CALD1: variants seen among roughly 807,000 people sequenced by gnomAD.
CALD1 encodes caldesmon 1, also known as caldesmon.
Under a neutral mutation model 99.9 loss-of-function variants are expected in CALD1, and 33 were observed. The observed-to-expected ratio is 0.33, with a 90% CI of 0.25 to 0.44. CALD1 has a LOEUF of 0.44. Among genes scored for constraint, CALD1 ranks in the 20% least tolerant of loss-of-function variants. CALD1 has a pLI of 1.00. For synonymous variants in CALD1, 310 were observed against 325.0 expected, an observed-to-expected ratio of 0.95 and a Z score of 0.50; for missense variants, 861 against 962.1, an observed-to-expected ratio of 0.89 and a Z score of 1.39.
intron 1 of CALD1, among the ~76,000 whole-genome samples, chr7:134,748,884 A>G (rs2100361): frequency 0.58 from 87,573 of 151,734 alleles, 26,204 homozygotes; most frequent in East Asian, 0.84. Flanking sequence ...AGGTCATCAG[A>G]GCAGTCCTCA....
chr7:134,949,690 G>A (rs1163467260), intron 8 of CALD1, among the ~76,000 whole-genome samples: 1 of 152,098 alleles, frequency 6.6e-6, no homozygotes, highest in Non-Finnish European at 1.5e-5. Flanking sequence ...TAGGTAGAAG[G>A]AATATTCATA....
chr7:134,888,253 AAG>A (rs1371992206), intron 3 of CALD1, among the ~76,000 whole-genome samples: 1 of 152,150 alleles, frequency 6.6e-6, no homozygotes, highest in Non-Finnish European at 1.5e-5. Context: ...TTTTCCTAGT[AAG>A]AGTCCTGAAG....
chr7:134,774,495 AAAG>A (rs1208770986), intron 1 of CALD1, among the ~76,000 whole-genome samples: 1 of 152,194 alleles, frequency 6.6e-6, no homozygotes, highest in East Asian at 1.9e-4. Context: ...CCAGCACTTC[AAAG>A]AAGAATCAGA....
intron 1 of CALD1, among the ~76,000 whole-genome samples, chr7:134,749,945 G>A (rs569841759): frequency 1.3e-5 from 2 of 152,200 alleles, no homozygotes; most frequent in African/African-American, 4.8e-5. Context: ...GTAAACAGGC[G>A]CCTTCTATAA....
At chr7:134,720,994 G>A in the CALD1 span, among the ~76,000 whole-genome samples, 1 of 152,186 alleles carries the variant, frequency 6.6e-6, no homozygotes, top group Non-Finnish European at 1.5e-5. Context: ...CTGGTGATTT[G>A]GTGTTTGCCA....
intron 1 of CALD1, among the ~76,000 whole-genome samples, chr7:134,758,828 G>A (rs1796752395): frequency 6.6e-6 from 1 of 152,114 alleles, no homozygotes; most frequent in South Asian, 2.1e-4. Context: ...AACATACACT[G>A]AGAATAGCTC....
intron 1 of CALD1, among the ~76,000 whole-genome samples, chr7:134,753,340 C>A (rs1796701491): frequency 6.6e-6 from 1 of 152,100 alleles, no homozygotes; most frequent in Non-Finnish European, 1.5e-5. Context: ...TAAAAAAAAT[C>A]AGATGAAATT....
intron 1 of CALD1, among the ~76,000 whole-genome samples, chr7:134,764,275 TG>T (rs1371390838): frequency 1.3e-5 from 2 of 152,212 alleles, no homozygotes; most frequent in Non-Finnish European, 2.9e-5. Flanking sequence ...GATTTGGTTC[TG>T]GGTTTGTGTA....
At chr7:134,903,028 G>C (rs191248031) in intron 3 of CALD1, among the ~76,000 whole-genome samples, 324 of 152,206 alleles carry the variant, frequency 2.1e-3, no homozygotes, top group Non-Finnish European at 3.7e-3. Flanking sequence ...TGCAGGAAAC[G>C]TAAGTGCATA....
chr7:134,771,043 A>G (rs1356613104), intron 1 of CALD1, among the ~76,000 whole-genome samples: 1 of 152,212 alleles, frequency 6.6e-6, no homozygotes, highest in Non-Finnish European at 1.5e-5. Context: ...AGTCCTCCAC[A>G]CCACCCCTTC....
chr7:134,850,387 A>C (rs1394337539), intron 2 of CALD1, among the ~76,000 whole-genome samples: 2 of 152,186 alleles, frequency 1.3e-5, no homozygotes, highest in Non-Finnish European at 1.5e-5. Flanking sequence ...TCTGGGGCTG[A>C]GTTGCCTGGA....
At position 134,947,738 on chromosome 7, in the gene CALD1, A is replaced by G; in HGVS notation, c.1763A>G (p.Gln588Arg). ...VLEEEEQRRK[Q>R]EEADRKLREE... is the part of the protein sequence containing the mutation. ...GAGGAGGAAGAGCAGAGGAGGAAGC[A>G]GGAGGAAGCCGATCGAAAACTCAGA... Residue 588 changes from glutamine to arginine, a missense_variant, in exon 8 of 15, where the codon CAG becomes CGG. By Grantham distance (43) the Gln-to-Arg change is conservative. Transcript: ENST00000361675. 1.2e-6 allele frequency: 2 copies of G among 1,614,028 alleles called. No individual in the cohort carries two copies. The highest frequency in any genetic ancestry group is 1.7e-6 in the Non-Finnish European group (2 of 1,179,960).
intron 2 of CALD1, among the ~76,000 whole-genome samples, chr7:134,861,621 T>C (rs560227655): frequency 6.6e-6 from 1 of 152,344 alleles, no homozygotes; most frequent in Middle Eastern, 3.4e-3. Context: ...GCAAAGACCT[T>C]TTCTGTCTTG....
chr7:134,909,291 G>A (rs944855236), intron 3 of CALD1, among the ~76,000 whole-genome samples: 2 of 152,230 alleles, frequency 1.3e-5, no homozygotes, highest in African/African-American at 4.8e-5. Flanking sequence ...TTTGAATTTT[G>A]AAAGAATTTT....
At chr7:134,713,569 AT>A in the CALD1 span, among the ~76,000 whole-genome samples, 3 of 152,156 alleles carry the variant, frequency 2.0e-5, no homozygotes, top group Non-Finnish European at 2.9e-5. Context: ...AAAAAGAAAC[AT>A]TTTTTTAAAT....
intron 1 of CALD1, among the ~76,000 whole-genome samples, chr7:134,831,981 G>A (rs1346384219): frequency 1.3e-5 from 2 of 152,222 alleles, no homozygotes; most frequent in East Asian, 3.8e-4. Flanking sequence ...AGAGAAGGTC[G>A]AGTGTCCCGT....
rs1444998916 is a variant in CALD1, at chr7:134,918,998, A to G, written c.72-9756A>G. Among the ~76,000 whole-genome samples the G allele has an allele frequency of 8.5e-5, 13 of 152,314 alleles. No individual in the cohort carries two copies. The East Asian group carries it at 2.3e-3, about 27-fold the overall frequency. On this transcript the variant is annotated intron_variant, in intron 3 of 14. Coordinates refer to ENST00000361675, the MANE Select transcript of CALD1 (RefSeq NM_033138.4). ...TGGGTTACAGAGGAGAACTTGTCTC[A>G]ATAAGTAAATAAATTAATAATAGTA...
At chr7:134,843,213 G>A (rs1046601912) in intron 1 of CALD1, among the ~76,000 whole-genome samples, 4 of 152,122 alleles carry the variant, frequency 2.6e-5, no homozygotes, top group Admixed American at 6.6e-5. Flanking sequence ...TCTGTGTGTC[G>A]GGCACTGCAT....
chr7:134,820,158 CAT>C (rs914378238), intron 1 of CALD1, among the ~76,000 whole-genome samples: 10 of 152,162 alleles, frequency 6.6e-5, no homozygotes, highest in Non-Finnish European at 1.3e-4. Flanking sequence ...ACTTCTAAGA[CAT>C]ATTCTCAGTG....
Sources: gnomAD v4.1 joint callset for allele counts (sites outside exome capture counted in the v4.1 genomes callset) on GRCh38, gnomAD v4.1.1 for gene constraint, MANE v1.5 for transcripts, NCBI Gene and HGNC (gene_info 2026-07-23, HGNC 2026-07-21) for gene names.